CLSTN1: variants seen among roughly 807,000 people sequenced by gnomAD.
CLSTN1 encodes calsyntenin-1.
A neutral mutation model predicts 108.3 loss-of-function variants in CLSTN1; 28 were observed. That is an observed-to-expected ratio of 0.26 (90% CI 0.19 to 0.35). The LOEUF is 0.35. Among genes scored for constraint, CLSTN1 ranks in the 10% least tolerant of loss-of-function variants. CLSTN1 has a pLI of 1.00. For missense variants in CLSTN1, 1,157 were observed against 1,302.6 expected, an observed-to-expected ratio of 0.89 and a Z score of 1.72; for synonymous variants, 524 against 534.9, an observed-to-expected ratio of 0.98 and a Z score of 0.28.
At chr1:9,731,179 T>C in intron 18 of CLSTN1, 27 bp downstream of exon 18, 1 of 1,613,634 alleles carries the variant, frequency 6.2e-7, no homozygotes, top group Non-Finnish European at 8.5e-7. Context: ...TGCCTCTCAG[T>C]CCTGGAGGTC....
intron 5 of CLSTN1, chr1:9,750,177 C>T (rs1651486072): frequency 3.1e-6 from 1 of 322,528 alleles, no homozygotes; most frequent in Non-Finnish European, 5.7e-6. Context: ...TTGGGCTTTA[C>T]ATTAAGATTT....
At chr1:9,824,051 C>A (rs1655309797), upstream of CLSTN1, 1 of 144,208 alleles carries the variant, frequency 6.9e-6, no homozygotes, top group Non-Finnish European at 1.5e-5. The surrounding 1 kb of genome is among the most constrained non-coding windows in gnomAD (Gnocchi z 5.0). Flanking sequence ...GGGAGCGACG[C>A]GAGGCGCGCG....
intron 5 of CLSTN1, 149 bp from the exon 6 acceptor site, chr1:9,750,062 C>A: frequency 1.6e-6 from 1 of 634,518 alleles, no homozygotes; most frequent in Non-Finnish European, 2.7e-6. Flanking sequence ...TAACCCTCAA[C>A]CTGTCCTCCC....
rs367980806 is a variant in CLSTN1 at position 9,787,558 on chromosome 1, C to T, written c.92-14164G>A. On this transcript the variant is annotated intron_variant, in intron 1 of 18. Coordinates refer to ENST00000377298, the MANE Select transcript of CLSTN1 (RefSeq NM_001009566.3). The stretch of plus-strand genomic sequence containing the variant: ...AGCTGGGACTACAGGCACCTGCCAC[C>T]GTGCCCGGCTAATTTTTTGTGTTTT... Among the ~76,000 whole-genome samples, 125 of 151,044 alleles carry T rather than the reference C, an allele frequency of 8.3e-4. 3 individuals carry two copies. In the Middle Eastern group the frequency reaches 0.031, roughly 37 times the overall value.
chr1:9,730,941 G>T lies in CLSTN1; in HGVS notation c.2749-236C>A, dbSNP rs572766806. 2.2e-3 allele frequency among the ~76,000 whole-genome samples: 338 copies of T among 152,290 alleles called. 1 individual carries two copies. Among genetic ancestry groups the T allele is most frequent in the African/African-American group, 7.9e-3 (327 of 41,568 alleles). On this transcript the variant is annotated intron_variant, in intron 18 of 18. Coordinates refer to ENST00000377298, the MANE Select transcript of CLSTN1 (RefSeq NM_001009566.3). This position sits in a 1 kb window ranked among gnomAD's most constrained non-coding sequence, Gnocchi z 5.6. ...AGCAGCTTGGGACAGCACCTCAGCT[G>T]CCCCACCAGAGAACTCTCTCAGGAT...
chr1:9,806,860 CAG>C (rs1654529868), intron 1 of CLSTN1, among the ~76,000 whole-genome samples: 1 of 152,122 alleles, frequency 6.6e-6, no homozygotes, highest in Admixed American at 6.6e-5. Context: ...GCCTGGGCAA[CAG>C]AGTGAGATTC....
At chr1:9,815,479 G>A (rs1557728296) in intron 1 of CLSTN1, among the ~76,000 whole-genome samples, 1 of 152,180 alleles carries the variant, frequency 6.6e-6, no homozygotes, top group Non-Finnish European at 1.5e-5. Context: ...TGAAATGCCG[G>A]TTTGCACCTA....
chr1:9,758,981 A>G (rs2101124346), intron 2 of CLSTN1, among the ~76,000 whole-genome samples: 1 of 152,282 alleles, frequency 6.6e-6, no homozygotes, highest in South Asian at 2.1e-4. Context: ...AATTCAAGCT[A>G]AAAATCAAAC....
At position 9,733,540 on chromosome 1, in the gene CLSTN1, T is replaced by C. The variant is rs1444248041; in HGVS notation, c.2288A>G (p.Asp763Gly). 6.2e-7 allele frequency: 1 copy of C among 1,613,934 alleles called. No homozygotes were observed. Among genetic ancestry groups the C allele is most frequent in the East Asian group, 2.2e-5 (1 of 44,892 alleles). ...AACCTCCTCGTAGCTGGCCATGGTG[T>C]CCACGCCTGCAGGGGTTGAAAGGGG... ...SELGMTFTGV[D>G]TMASYEEVLH... is the part of the protein sequence containing the mutation. The change falls in exon 16 of 19, where the codon GAC (aspartate) becomes GGC (glycine). Residue 763 changes from aspartate to glycine, a missense_variant. Asp to Gly is a moderately conservative substitution (Grantham distance 94, BLOSUM62 -1). Transcript: ENST00000377298.
intron 2 of CLSTN1, among the ~76,000 whole-genome samples, chr1:9,769,265 T>TC (rs1197228825): frequency 4.6e-5 from 7 of 151,810 alleles, no homozygotes; most frequent in African/African-American, 9.7e-5. Context: ...CACGCTTCAG[T>TC]CAAGGGGATC....
At chr1:9,768,963 G>T (rs1652521522) in intron 2 of CLSTN1, among the ~76,000 whole-genome samples, 1 of 139,730 alleles carries the variant, frequency 7.2e-6, no homozygotes, top group African/African-American at 2.7e-5. Flanking sequence ...GAGGAAAAGG[G>T]GGAAGGAGGG....
intron 1 of CLSTN1, among the ~76,000 whole-genome samples, chr1:9,786,713 C>T (rs1403060684): frequency 6.7e-6 from 1 of 149,000 alleles, no homozygotes; most frequent in African/African-American, 2.5e-5. Context: ...ACATCTGGAT[C>T]CACTCTCTTG....
intron 1 of CLSTN1, among the ~76,000 whole-genome samples, chr1:9,793,423 T>A (rs1403897675): frequency 6.6e-6 from 1 of 151,588 alleles, no homozygotes; most frequent in South Asian, 2.2e-4. Flanking sequence ...GGCAAGATTT[T>A]CTAGACAACC....
rs898443156 is a variant in CLSTN1 at position 9,730,838 on chromosome 1, G to A, written c.2749-133C>T. On this transcript the variant is annotated intron_variant, in intron 18 of 18. Coordinates refer to ENST00000377298, the MANE Select transcript of CLSTN1 (RefSeq NM_001009566.3). The surrounding 1 kb of genome is among the most constrained non-coding windows in gnomAD (Gnocchi z 5.6). ...TCCCTCCCCAGCGACAGAGCAGCCA[G>A]GACGGCACCGGAAGTTATATTAGAA... The A allele has an allele frequency of 1.2e-6, 1 of 823,754 alleles. No individual in the cohort carries two copies. The highest frequency in any genetic ancestry group is 1.9e-6 in the Non-Finnish European group (1 of 521,718). 51.0% of individuals were successfully genotyped at this position (823,754 alleles called of 1,614,324 possible). A position where few individuals can be genotyped will look rare whatever the true frequency, so the allele number is the denominator to read the frequency against.
chr1:9,796,398 C>T (rs1654003243), intron 1 of CLSTN1, among the ~76,000 whole-genome samples: 2 of 150,100 alleles, frequency 1.3e-5, no homozygotes, highest in African/African-American at 4.9e-5. Context: ...ATGGGTGGGC[C>T]AGGCGCGGTG....
intron 1 of CLSTN1, among the ~76,000 whole-genome samples, chr1:9,809,235 G>T (rs938334341): frequency 6.6e-6 from 1 of 152,156 alleles, no homozygotes; most frequent in Non-Finnish European, 1.5e-5. Context: ...CAGCCCATCA[G>T]ACACACACCC....
Position 9,735,573 on chromosome 1 carries a change from C to G in CLSTN1, c.1777G>C (p.Glu593Gln). Reference sequence around the variant, plus strand: ...GCCTTATCCAATTCCCCGAGGTCTTCTCCCTCCAAGGTCAATACCAACTGG... The same window carrying G: ...GCCTTATCCAATTCCCCGAGGTCTTGTCCCTCCAAGGTCAATACCAACTGG... ...PSQLVLTLEG[E>Q]DLGELDKAMQ... Residue 593 changes from glutamate (E) to glutamine (Q), a missense_variant, in exon 13 of 19, where the codon GAA becomes CAA. Transcript: ENST00000377298. The G allele has an allele frequency of 6.2e-7, 1 of 1,614,176 alleles. No homozygotes were observed. Among genetic ancestry groups the G allele is most frequent in the Non-Finnish European group, 8.5e-7 (1 of 1,180,048 alleles).
At chr1:9,807,807 C>T (rs1165108449) in intron 1 of CLSTN1, among the ~76,000 whole-genome samples, 3 of 152,362 alleles carry the variant, frequency 2.0e-5, no homozygotes, top group Non-Finnish European at 2.9e-5. Context: ...GGCTTCCTGA[C>T]GTGCTTCTGC....
At chr1:9,770,758 C>T (rs1652636502) in intron 2 of CLSTN1, among the ~76,000 whole-genome samples, 1 of 152,192 alleles carries the variant, frequency 6.6e-6, no homozygotes, top group Admixed American at 6.6e-5. Flanking sequence ...CTTCGGGAGG[C>T]CAAGGCAGGC....
Sources: allele counts gnomAD v4.1 joint callset (sites outside exome capture counted in the v4.1 genomes callset), GRCh38; gene constraint gnomAD v4.1.1; non-coding constraint Gnocchi (gnomAD v3.1); transcripts MANE v1.5; gene names NCBI Gene and HGNC (gene_info 2026-07-23, HGNC 2026-07-21).